MAGI1: variants seen among roughly 807,000 people sequenced by gnomAD.
MAGI1 encodes membrane associated guanylate kinase, WW and PDZ domain containing 1, also known as membrane-associated guanylate kinase, WW and PDZ domain-containing protein 1.
MAGI1 carries 58 observed loss-of-function variants against 139.9 expected under a neutral mutation model. The ratio of observed to expected loss-of-function variants is 0.41; its 90% CI spans 0.34 to 0.52. The LOEUF (loss-of-function observed/expected upper bound fraction) is 0.52. Ranked by LOEUF, MAGI1 falls within the 20% of genes least tolerant of loss-of-function variation. MAGI1 has a pLI of 0.12. For synonymous variants in MAGI1, 812 were observed against 737.9 expected (o/e 1.10, Z -1.63); for missense variants, 1,874 against 1,901.6 (o/e 0.99, Z 0.27).
intron 6 of MAGI1, among the ~76,000 whole-genome samples, chr3:65,450,195 G>C (rs1948945015): frequency 6.6e-6 from 1 of 152,172 alleles, no homozygotes; most frequent in South Asian, 2.1e-4. Context: ...ACCACACAGG[G>C]CTCAGAGTAG....
intron 2 of MAGI1, among the ~76,000 whole-genome samples, chr3:65,606,895 C>G (rs940774890): frequency 6.6e-5 from 10 of 151,946 alleles, no homozygotes; most frequent in Admixed American, 2.0e-4. Flanking sequence ...TGAGCTCAAT[C>G]AATCCACCCA....
intron 5 of MAGI1, among the ~76,000 whole-genome samples, chr3:65,457,869 G>A (rs1028896345): frequency 1.3e-5 from 2 of 152,004 alleles, no homozygotes; most frequent in African/African-American, 4.8e-5. Context: ...TCACCCTGCT[G>A]TGCTATCAAA....
chr3:65,835,906 C>T (rs939058694), intron 1 of MAGI1, among the ~76,000 whole-genome samples: 1 of 152,200 alleles, frequency 6.6e-6, no homozygotes, highest in Non-Finnish European at 1.5e-5. Context: ...CATTAAGCAC[C>T]TTGTTTATTC....
chr3:65,807,825 C>T (rs1263155530), intron 1 of MAGI1, among the ~76,000 whole-genome samples: 1 of 152,074 alleles, frequency 6.6e-6, no homozygotes, highest in Non-Finnish European at 1.5e-5. Flanking sequence ...AAGATAGATA[C>T]CAGTATCTCC....
At chr3:65,407,905 A>G (rs1004460596) in intron 12 of MAGI1, among the ~76,000 whole-genome samples, 1 of 152,140 alleles carries the variant, frequency 6.6e-6, no homozygotes, top group Admixed American at 6.5e-5. Flanking sequence ...AAACAACTGG[A>G]GTTTGTTCTA....
intron 9 of MAGI1, among the ~76,000 whole-genome samples, chr3:65,439,328 A>G (rs1948073899): frequency 6.6e-6 from 1 of 152,056 alleles, no homozygotes; most frequent in African/African-American, 2.4e-5. Flanking sequence ...TCCCTAGAAA[A>G]TTTCTGCACA....
At chr3:65,643,745 G>GTTACACAATAACGGCTCTACTTCAGCC (rs1204555153) in intron 1 of MAGI1, among the ~76,000 whole-genome samples, 1 of 152,078 alleles carries the variant, frequency 6.6e-6, no homozygotes, top group Non-Finnish European at 1.5e-5. Flanking sequence ...AAGGAAAACT[G>GTTACACAATAACGGCTCTACTTCAGCC]TTACACAATA....
At chr3:65,788,276 C>G (rs190055649) in intron 1 of MAGI1, among the ~76,000 whole-genome samples, 4 of 152,206 alleles carry the variant, frequency 2.6e-5, no homozygotes, top group South Asian at 2.1e-4. Flanking sequence ...TGATCCCACA[C>G]GCTTTCTCAT....
chr3:65,363,261 G>A (rs1019692952), intron 21 of MAGI1, among the ~76,000 whole-genome samples: 6 of 152,182 alleles, frequency 3.9e-5, no homozygotes, highest in Non-Finnish European at 5.9e-5. Context: ...CCAAAGAGTT[G>A]GAAGTGTTCA....
At chr3:65,597,022 G>A (rs2082238809) in intron 2 of MAGI1, among the ~76,000 whole-genome samples, 1 of 152,008 alleles carries the variant, frequency 6.6e-6, no homozygotes. Context: ...GCCCTCCAAA[G>A]TGCAAAGGCA....
chr3:65,702,424 C>T (rs1417580521), intron 1 of MAGI1, among the ~76,000 whole-genome samples: 1 of 152,154 alleles, frequency 6.6e-6, no homozygotes, highest in Admixed American at 6.5e-5. Flanking sequence ...CAGGAGACAT[C>T]TCTCACATGG....
intron 1 of MAGI1, among the ~76,000 whole-genome samples, chr3:65,630,265 G>C (rs2084215342): frequency 6.6e-6 from 1 of 152,156 alleles, no homozygotes; most frequent in Admixed American, 6.6e-5. Flanking sequence ...CTTTAGGAAG[G>C]ACGAACAGAC....
intron 1 of MAGI1, among the ~76,000 whole-genome samples, chr3:65,990,357 C>T (rs1171020610): frequency 1.3e-5 from 2 of 152,146 alleles, no homozygotes; most frequent in Non-Finnish European, 2.9e-5. Context: ...CTAAATCAAC[C>T]GCTCAGGCTT....
intron 18 of MAGI1, among the ~76,000 whole-genome samples, chr3:65,370,786 G>A (rs1416494012): frequency 6.6e-6 from 1 of 152,176 alleles, no homozygotes; most frequent in African/African-American, 2.4e-5. Flanking sequence ...GCCCCAAATA[G>A]TTGGACTACG....
rs564122622 is a variant in MAGI1 at position 65,604,819 on chromosome 3, T to G, written c.430+17153A>C. The stretch of plus-strand genomic sequence containing the variant: ...GCAAATGGGGAATAAACAAAATTCC[T>G]ATGACTGTAAATTTCAACAAGAAGT... On this transcript the variant is annotated intron_variant, in intron 2 of 22. Transcript: ENST00000402939. 8.5e-5 allele frequency among the ~76,000 whole-genome samples: 13 copies of G among 152,154 alleles called. No homozygotes were observed. The East Asian group carries it at 2.5e-3, about 29-fold the overall frequency.
rs561288662 is a variant in MAGI1 at position 65,719,168 on chromosome 3, C to T, written c.314-97080G>A. Among the ~76,000 whole-genome samples, 3 of 151,812 alleles carry T rather than the reference C, an allele frequency of 2.0e-5. No homozygotes were observed. The East Asian group carries it at 5.8e-4, about 29-fold the overall frequency. On this transcript the variant is annotated intron_variant, in intron 1 of 22. Transcript: ENST00000402939. ...GAAGACAGATAAATACAAAGAGATC[C>T]ACAAACAGCAGTCTAACTACATAAA...
intron 1 of MAGI1, among the ~76,000 whole-genome samples, chr3:65,745,131 A>G (rs1279700590): frequency 1.3e-5 from 2 of 152,162 alleles, no homozygotes; most frequent in Non-Finnish European, 2.9e-5. Flanking sequence ...ATTTTTTGGA[A>G]AACTATTTTC....
intron 1 of MAGI1, among the ~76,000 whole-genome samples, chr3:66,021,245 T>C (rs2067944504): frequency 6.6e-6 from 1 of 152,212 alleles, no homozygotes; most frequent in African/African-American, 2.4e-5. Context: ...AATAAAATAT[T>C]GCACAGTGTA....
At chr3:65,679,670 G>A (rs2087444323) in intron 1 of MAGI1, among the ~76,000 whole-genome samples, 1 of 152,208 alleles carries the variant, frequency 6.6e-6, no homozygotes, top group African/African-American at 2.4e-5. Flanking sequence ...AGCATCCTCA[G>A]GAGGTTCTGC....
Sources: allele counts gnomAD v4.1 joint callset (sites outside exome capture counted in the v4.1 genomes callset), GRCh38; gene constraint gnomAD v4.1.1; transcripts MANE v1.5; gene names NCBI Gene and HGNC (gene_info 2026-07-23, HGNC 2026-07-21).